The following DOCK2 variants were observed in gnomAD, a reference collection of about 807,000 sequenced individuals.
DOCK2 encodes dedicator of cytokinesis protein 2.
Under a neutral mutation model 248.9 loss-of-function variants are expected in DOCK2, and 87 were observed. The ratio of observed to expected loss-of-function variants is 0.35; its 90% CI spans 0.29 to 0.42. The LOEUF is 0.42. Ranked by LOEUF, DOCK2 falls within the 10% of genes least tolerant of loss-of-function variation. The pLI, the probability that DOCK2 is intolerant of heterozygous loss-of-function variation, is 1.00. For missense variants in DOCK2, 1,747 were observed against 2,300.2 expected, an observed-to-expected ratio of 0.76 and a Z score of 4.92; for synonymous variants, 805 against 821.6, an observed-to-expected ratio of 0.98 and a Z score of 0.35.
intron 27 of DOCK2, among the ~76,000 whole-genome samples, chr5:169,897,487 C>T (rs889255746): frequency 2.0e-5 from 3 of 152,086 alleles, no homozygotes; most frequent in Admixed American, 6.6e-5. Context: ...CCGTACTCGG[C>T]CAGGAATGTG....
At chr5:169,923,130 A>G (rs1775264576) in intron 27 of DOCK2, among the ~76,000 whole-genome samples, 1 of 152,208 alleles carries the variant, frequency 6.6e-6, no homozygotes, top group Non-Finnish European at 1.5e-5. Context: ...TCCAAGGCCT[A>G]TGCTCCTCAC....
chr5:170,047,700 T>A, intron 40 of DOCK2, 86 bp downstream of exon 40: 4 of 1,298,354 alleles, frequency 3.1e-6, no homozygotes, highest in Non-Finnish European at 4.4e-6. Flanking sequence ...AGGATTTGCT[T>A]GTGCTCAGAA....
intron 26 of DOCK2, among the ~76,000 whole-genome samples, chr5:169,832,750 G>T (rs1465732999): frequency 6.6e-6 from 1 of 152,120 alleles, no homozygotes; most frequent in African/African-American, 2.4e-5. Context: ...AGATAAGAAA[G>T]AAATGGAAAA....
At chr5:169,805,095 C>T (rs1366588094) in intron 26 of DOCK2, among the ~76,000 whole-genome samples, 2 of 151,630 alleles carry the variant, frequency 1.3e-5, no homozygotes, top group African/African-American at 4.8e-5. Flanking sequence ...ATAATGTTGC[C>T]TCAGCCAGGG....
chr5:169,973,009 A>G (rs1475334516), intron 27 of DOCK2, among the ~76,000 whole-genome samples: 5 of 152,122 alleles, frequency 3.3e-5, no homozygotes, highest in African/African-American at 1.2e-4. Flanking sequence ...GTGCTAAAAG[A>G]GGCCTGGATG....
chr5:169,912,852 C>G (rs1407801347), intron 27 of DOCK2, among the ~76,000 whole-genome samples: 3 of 149,326 alleles, frequency 2.0e-5, no homozygotes, highest in African/African-American at 7.4e-5. Flanking sequence ...TTTTTTTTTT[C>G]AATCAACTCA....
At chr5:169,713,549 GA>G (rs375847780) in intron 17 of DOCK2, among the ~76,000 whole-genome samples, 228 of 147,522 alleles carry the variant, frequency 1.5e-3, no homozygotes, top group African/African-American at 4.7e-3. Flanking sequence ...GTTTACTAAT[GA>G]AAAAAAAAAT....
In DOCK2 at chr5:170,018,860, A is replaced by G. The variant is rs1755624328; in HGVS notation, c.3233-100A>G. ...TATATAAGTGTTAACTATTGTTTTT[A>G]CTATTATGCTTCCCTTTTTTTCTTT... On this transcript the variant is annotated intron_variant, in intron 32 of 51. Coordinates refer to ENST00000520908, the MANE Select transcript of DOCK2 (RefSeq NM_004946.3). 2.8e-6 allele frequency: 4 copies of G among 1,425,810 alleles called. No homozygotes were observed. The East Asian group carries it at 6.9e-5, about 25-fold the overall frequency. 88.3% of individuals were successfully genotyped at this position (1,425,810 alleles called of 1,614,324 possible).
In DOCK2 at chr5:170,058,667, A is replaced by T. The variant is rs886633160; in HGVS notation, c.4467+1001A>T. ...GAACAAGTGAGGGTGAGTAACAGTC[A>T]TCTGATACCAGATCATGTAGGACCT... On this transcript the variant is annotated intron_variant, in intron 44 of 51. Coordinates refer to ENST00000520908, the MANE Select transcript of DOCK2 (RefSeq NM_004946.3). Among the ~76,000 whole-genome samples the T allele has an allele frequency of 8.5e-5, 13 of 152,312 alleles. 1 individual carries two copies. Among genetic ancestry groups the T allele is most frequent in the African/African-American group, 3.1e-4 (13 of 41,570 alleles).
At chr5:170,021,723 A>G (rs761512313) in intron 33 of DOCK2, among the ~76,000 whole-genome samples, 5 of 152,172 alleles carry the variant, frequency 3.3e-5, no homozygotes, top group Non-Finnish European at 7.3e-5. Context: ...GCAGATGCCC[A>G]TGTGAAAACC....
Position 169,671,176 on chromosome 5 carries a change from T to G in DOCK2, c.321+2T>G. The G allele has an allele frequency of 6.2e-7, 1 of 1,613,554 alleles. No individual in the cohort carries two copies. The highest frequency in any genetic ancestry group is 8.5e-7 in the Non-Finnish European group (1 of 1,179,548). Reference sequence around the variant, plus strand: ...AGCATCTGGAAACAACTCTATGTGGTGAGACTCAGAACTCTGCTCCCTGAG... The same window carrying G: ...AGCATCTGGAAACAACTCTATGTGGGGAGACTCAGAACTCTGCTCCCTGAG... On this transcript the variant is annotated splice_donor_variant, in intron 5 of 51. Transcript: ENST00000520908. LOFTEE classifies it high-confidence loss of function.
At chr5:169,812,303 G>A (rs1459049615) in intron 26 of DOCK2, among the ~76,000 whole-genome samples, 1 of 152,212 alleles carries the variant, frequency 6.6e-6, no homozygotes, top group Admixed American at 6.5e-5. Flanking sequence ...TGCTCCTTAT[G>A]AGAATCTAAT....
chr5:169,790,080 G>A (rs922451126), intron 25 of DOCK2, among the ~76,000 whole-genome samples: 3 of 152,212 alleles, frequency 2.0e-5, no homozygotes, highest in Non-Finnish European at 4.4e-5. Context: ...AGAATCAGAT[G>A]ATGATTGGAA....
In DOCK2 at chr5:169,764,121, A is replaced by T. The variant is rs1764636961; in HGVS notation, c.2554+2496A>T. Among the ~76,000 whole-genome samples the T allele has an allele frequency of 6.6e-6, 1 of 152,204 alleles. No homozygotes were observed. Among genetic ancestry groups the T allele is most frequent in the Non-Finnish European group, 1.5e-5 (1 of 68,038 alleles). ...TCTGGCCAAGTTTGAGCAGTAATGA[A>T]ATTCCTCCTGTTATTCTCCCTGTGA... On this transcript the variant is annotated intron_variant, in intron 25 of 51. Transcript: ENST00000520908. This position sits in a 1 kb window ranked among gnomAD's most constrained non-coding sequence, Gnocchi z 4.3.
intron 30 of DOCK2, among the ~76,000 whole-genome samples, chr5:169,997,444 C>T (rs888922342): frequency 1.4e-5 from 2 of 146,086 alleles, no homozygotes; most frequent in Admixed American, 6.8e-5. Flanking sequence ...GGCTGGGGGA[C>T]GGTCAGGTCT....
intron 1 of DOCK2, among the ~76,000 whole-genome samples, chr5:169,645,031 T>C (rs1020626341): frequency 3.3e-5 from 5 of 152,244 alleles, no homozygotes; most frequent in African/African-American, 1.2e-4. Context: ...ATTTTCTTTA[T>C]CCAATCTATC....
At chr5:169,963,690 C>G (rs903732202) in intron 27 of DOCK2, among the ~76,000 whole-genome samples, 1 of 152,074 alleles carries the variant, frequency 6.6e-6, no homozygotes, top group South Asian at 2.1e-4. Flanking sequence ...CTCTTTTCAC[C>G]CTTTCTTTGC....
chr5:169,852,035 G>T (rs1333010924), intron 27 of DOCK2, among the ~76,000 whole-genome samples: 5 of 152,158 alleles, frequency 3.3e-5, no homozygotes, highest in African/African-American at 4.8e-5. Context: ...CCAAAGCTGG[G>T]GCCTTCATTG....
intron 46 of DOCK2, among the ~76,000 whole-genome samples, chr5:170,069,521 A>C (rs111891753): frequency 6.6e-6 from 1 of 152,138 alleles, no homozygotes; most frequent in Non-Finnish European, 1.5e-5. Context: ...GCGGGATGCA[A>C]ATAAACACCA....
Sources: allele counts gnomAD v4.1 joint callset (sites outside exome capture counted in the v4.1 genomes callset), GRCh38; gene constraint gnomAD v4.1.1; non-coding constraint Gnocchi (gnomAD v3.1); transcripts MANE v1.5; gene names NCBI Gene and HGNC (gene_info 2026-07-23, HGNC 2026-07-21).